USP54: variants seen among roughly 807,000 people sequenced by gnomAD.
USP54 encodes ubiquitin specific peptidase 54, also known as ubiquitin carboxyl-terminal hydrolase 54.
USP54 carries 87 observed loss-of-function variants against 170.5 expected under a neutral mutation model. The ratio of observed to expected loss-of-function variants is 0.51; its 90% CI spans 0.43 to 0.61. The LOEUF (loss-of-function observed/expected upper bound fraction) is 0.61, where lower values mean the gene tolerates loss of function less well. Ranked by LOEUF, USP54 falls within the 20% of genes least tolerant of loss-of-function variation. The pLI, the probability that USP54 is intolerant of heterozygous loss-of-function variation, is 0.00. For synonymous variants in USP54, 655 were observed against 742.8 expected, an observed-to-expected ratio of 0.88 and a Z score of 1.92; for missense variants, 1,786 against 2,047.8, an observed-to-expected ratio of 0.87 and a Z score of 2.47.
intron 20 of USP54, chr10:73,513,589 T>C (rs1015889677): frequency 6.6e-6 from 1 of 152,204 alleles, no homozygotes; most frequent in East Asian, 1.9e-4. Context: ...CAGCAAATGC[T>C]CACAGATATA....
chr10:73,510,645 C>T (rs2060054711), intron 20 of USP54, among the ~76,000 whole-genome samples: 2 of 152,042 alleles, frequency 1.3e-5, no homozygotes, highest in South Asian at 2.1e-4. Context: ...GACTGGGTTT[C>T]ACCATGTTGG....
At chr10:73,550,921 A>G (rs968681312) in intron 4 of USP54, among the ~76,000 whole-genome samples, 2 of 152,256 alleles carry the variant, frequency 1.3e-5, no homozygotes, top group South Asian at 2.1e-4. Context: ...CCTGGCTAAC[A>G]AGGTGAAACC....
In USP54 at chr10:73,497,634, T is replaced by C. The variant is rs112252554; in HGVS notation, c.*995A>G. On this transcript the variant is annotated 3_prime_UTR_variant, in exon 24 of 24. Transcript: ENST00000687698. Reference sequence around the variant, plus strand: ...GTTCAGCTGACTCTGAGGGTTTACATTGACGACTGAGCAAGTGGCAATAAT... The same window carrying C: ...GTTCAGCTGACTCTGAGGGTTTACACTGACGACTGAGCAAGTGGCAATAAT... 0.013 allele frequency: 1,996 copies of C among 152,462 alleles called. 16 individuals are homozygous for C. Among genetic ancestry groups the C allele is most frequent in the Middle Eastern group, 0.024 (7 of 294 alleles). 9.4% of individuals were successfully genotyped at this position (152,462 alleles called of 1,614,324 possible). A position where few individuals can be genotyped will look rare whatever the true frequency, so the allele number is the denominator to read the frequency against.
At chr10:73,539,868 G>A (rs1200223769) in intron 9 of USP54, among the ~76,000 whole-genome samples, 2 of 152,126 alleles carry the variant, frequency 1.3e-5, no homozygotes, top group Admixed American at 6.5e-5. Context: ...GCTCACGCCT[G>A]TAATTCCTAC....
At chr10:73,556,529 A>ATTTTAC (rs2071101429) in intron 4 of USP54, among the ~76,000 whole-genome samples, 2 of 151,860 alleles carry the variant, frequency 1.3e-5, no homozygotes, top group African/African-American at 4.8e-5. Flanking sequence ...TATTTTTAGT[A>ATTTTAC]GAGACAGGGT....
At chr10:73,549,388 C>T (rs981604069) in intron 4 of USP54, among the ~76,000 whole-genome samples, 5 of 152,162 alleles carry the variant, frequency 3.3e-5, no homozygotes, top group African/African-American at 4.8e-5. Flanking sequence ...ATATATTGGA[C>T]GTCTACATTT....
intron 15 of USP54, among the ~76,000 whole-genome samples, chr10:73,528,777 C>A (rs2063455445): frequency 1.3e-5 from 2 of 152,148 alleles, no homozygotes; most frequent in South Asian, 4.1e-4. Context: ...AGCCAACATG[C>A]CTGACCTAAT....
chr10:73,604,822 G>A (rs1465015271), intron 1 of USP54, among the ~76,000 whole-genome samples: 4 of 152,136 alleles, frequency 2.6e-5, no homozygotes, highest in Middle Eastern at 3.4e-3. Flanking sequence ...GCTCTTAAAG[G>A]TGGCACAGAC....
intron 20 of USP54, among the ~76,000 whole-genome samples, chr10:73,514,050 T>C (rs1292966964): frequency 6.6e-6 from 1 of 151,972 alleles, no homozygotes; most frequent in Non-Finnish European, 1.5e-5. Flanking sequence ...CTCCTGACCT[T>C]GGGTGATCCA....
At chr10:73,510,451 C>CT (rs200970566) in intron 20 of USP54, among the ~76,000 whole-genome samples, 11,693 of 139,550 alleles carry the variant, frequency 0.084, 748 homozygotes, top group East Asian at 0.29. Context: ...AACATTTATT[C>CT]TTTTTTTTTT....
In USP54 at chr10:73,539,600, G is replaced by T; in HGVS notation, c.826-7C>A. The T allele has an allele frequency of 1.3e-6, 2 of 1,579,038 alleles. No homozygotes were observed. Among genetic ancestry groups the T allele is most frequent in the Non-Finnish European group, 1.7e-6 (2 of 1,158,524 alleles). ...CCGTCACTCTGAAAAACAGCTGAGG[G>T]GAAAGAAGAGAAAAGAAAGCACAGT... On this transcript the variant is annotated splice_region_variant and splice_polypyrimidine_tract_variant and intron_variant, in intron 9 of 23. Transcript: ENST00000687698.
At chr10:73,511,027 G>T (rs777786196) in intron 20 of USP54, among the ~76,000 whole-genome samples, 1 of 151,902 alleles carries the variant, frequency 6.6e-6, no homozygotes, top group Non-Finnish European at 1.5e-5. Context: ...GGTTGCCTGG[G>T]GTTGGGGGAA....
intron 15 of USP54, among the ~76,000 whole-genome samples, chr10:73,527,922 A>G (rs974364605): frequency 2.0e-5 from 3 of 151,852 alleles, no homozygotes; most frequent in Admixed American, 6.6e-5. Flanking sequence ...TTAGTATTAC[A>G]TAAGTTTTAA....
At chr10:73,548,144 T>C (rs2068295334) in intron 4 of USP54, among the ~76,000 whole-genome samples, 1 of 152,174 alleles carries the variant, frequency 6.6e-6, no homozygotes, top group South Asian at 2.1e-4. Context: ...TCATCGTCAC[T>C]GGTCATCAGA....
At chr10:73,541,980 G>A in intron 7 of USP54, 1 of 497,610 alleles carries the variant, frequency 2.0e-6, no homozygotes, top group Non-Finnish European at 3.6e-6. Flanking sequence ...CTAAGAAAAG[G>A]GGAGGGATGG....
intron 1 of USP54, among the ~76,000 whole-genome samples, chr10:73,624,822 G>A (rs528158900): frequency 2.0e-5 from 3 of 152,092 alleles, no homozygotes; most frequent in South Asian, 2.1e-4. Flanking sequence ...TCAACATTGA[G>A]ACATTCAAAA....
chr10:73,562,440 A>G (rs147614369), intron 4 of USP54, among the ~76,000 whole-genome samples: 2 of 152,296 alleles, frequency 1.3e-5, no homozygotes, highest in African/African-American at 4.8e-5. Context: ...TTTTGTGAAA[A>G]GCACTTCCTT....
intron 4 of USP54, among the ~76,000 whole-genome samples, chr10:73,567,799 T>A (rs1242203023): frequency 1.3e-5 from 2 of 152,248 alleles, no homozygotes; most frequent in African/African-American, 4.8e-5. Context: ...CTGCAAATAA[T>A]GGCAACTTTG....
intron 4 of USP54, among the ~76,000 whole-genome samples, chr10:73,550,338 T>C (rs2068966642): frequency 6.6e-6 from 1 of 152,226 alleles, no homozygotes; most frequent in African/African-American, 2.4e-5. Context: ...CCTCTAGATA[T>C]GTATGGCTCA....
Sources: gnomAD v4.1 joint callset for allele counts (sites outside exome capture counted in the v4.1 genomes callset) on GRCh38, gnomAD v4.1.1 for gene constraint, MANE v1.5 for transcripts, NCBI Gene and HGNC (gene_info 2026-07-23, HGNC 2026-07-21) for gene names.